Variants in CHD6 observed in about 807,000 individuals in gnomAD.
CHD6 encodes the protein ATP-dependent chromatin remodeler CHD6.
Under a neutral mutation model 276.9 loss-of-function variants are expected in CHD6, and 50 were observed. That is an observed-to-expected ratio of 0.18 (90% CI 0.14 to 0.23). The LOEUF is 0.23. Ranked by LOEUF, CHD6 falls within the 10% of genes least tolerant of loss-of-function variation. The pLI is 1.00. For missense variants in CHD6, 2,564 were observed against 3,365.8 expected (o/e 0.76, Z 5.89); for synonymous variants, 1,173 against 1,229.3 (o/e 0.95, Z 0.96).
At chr20:41,505,077 G>A (rs1289194984) in intron 5 of CHD6, among the ~76,000 whole-genome samples, 1 of 152,140 alleles carries the variant, frequency 6.6e-6, no homozygotes, top group Non-Finnish European at 1.5e-5. Context: ...AGTATCCAGG[G>A]TCACTGACTG....
At chr20:41,560,722 A>C (rs1170616982) in intron 1 of CHD6, among the ~76,000 whole-genome samples, 9 of 149,012 alleles carry the variant, frequency 6.0e-5, no homozygotes, top group East Asian at 1.9e-4. Context: ...GTAACTAGTG[A>C]CCTCTTTTTT....
In CHD6 at chr20:41,411,612, ATAAT is replaced by A. The variant is rs142188592; in HGVS notation, c.7251+528_7251+531del. On this transcript the variant is annotated intron_variant, in intron 36 of 36. Transcript: ENST00000373233. ...CCAAATTTGTACTAATCTGTAAACT[ATAAT>A]TAACTCGGATTCGTTATACTAGAAG... is the stretch of plus-strand genomic sequence containing the variant. Among the ~76,000 whole-genome samples the A allele has an allele frequency of 9.3e-4, 142 of 152,348 alleles. 1 individual carries two copies. The East Asian group carries it at 0.023, about 24-fold the overall frequency.
At chr20:41,467,162 G>A (rs1176889113) in intron 17 of CHD6, among the ~76,000 whole-genome samples, 2 of 151,988 alleles carry the variant, frequency 1.3e-5, no homozygotes, top group Non-Finnish European at 2.9e-5. Context: ...AAATTACATA[G>A]AAATAAACAT....
chr20:41,525,802 CTT>C (rs923421948), intron 3 of CHD6, among the ~76,000 whole-genome samples: 2 of 152,184 alleles, frequency 1.3e-5, no homozygotes, highest in African/African-American at 4.8e-5. Flanking sequence ...ATGACATACT[CTT>C]TACCTTCTAA....
At chr20:41,552,056 C>A (rs1013002947) in intron 1 of CHD6, among the ~76,000 whole-genome samples, 1 of 152,112 alleles carries the variant, frequency 6.6e-6, no homozygotes, top group Non-Finnish European at 1.5e-5. Context: ...TTTAGAGGTA[C>A]AAAAGTGTGT....
chr20:41,413,485 A>G lies in CHD6; in HGVS notation c.6970T>C (p.Leu2324=). ...EVHEDPGQAT[L]STTHPEGPGP... is the part of the protein sequence containing the mutation. ...GGCCCCTCAGGGTGTGTGGTGCTCA[A>G]GGTGGCCTGCCCTGGGTCTTCATGG... Residue 2324 remains leucine (L), a synonymous_variant, in exon 35 of 37, where the codon TTG becomes CTG. Coordinates refer to ENST00000373233, the MANE Select transcript of CHD6 (RefSeq NM_032221.5). 1 of 1,598,746 alleles carries G rather than the reference A, an allele frequency of 6.3e-7. No homozygotes were observed. Among genetic ancestry groups the G allele is most frequent in the Non-Finnish European group, 8.5e-7 (1 of 1,172,710 alleles).
At chr20:41,409,746 T>C (rs1017751069) in intron 36 of CHD6, among the ~76,000 whole-genome samples, 8 of 152,190 alleles carry the variant, frequency 5.3e-5, no homozygotes, top group Non-Finnish European at 8.8e-5. Context: ...TTAATATGCA[T>C]GTGTAATAAG....
intron 1 of CHD6, among the ~76,000 whole-genome samples, chr20:41,561,097 G>C (rs1162179146): frequency 1.3e-5 from 2 of 152,162 alleles, no homozygotes; most frequent in African/African-American, 4.8e-5. Context: ...GGTCTCAGTT[G>C]CAACTACTCA....
At position 41,498,882 on chromosome 20, in the gene CHD6, C is replaced by G. The variant is rs547784226; in HGVS notation, c.915+413G>C. On this transcript the variant is annotated intron_variant, in intron 6 of 36. Transcript: ENST00000373233. ...TAGAGAAAGGGTCTCACTATATTGC[C>G]CAGGTTGGTCTTGAACTACTGGGCT... 6.6e-5 allele frequency among the ~76,000 whole-genome samples: 10 copies of G among 150,470 alleles called. 1 individual carries two copies. The highest frequency in any genetic ancestry group is 2.4e-4 in the African/African-American group (10 of 40,988).
chr20:41,556,326 C>CTTTT lies in CHD6; in HGVS notation c.-23-4970_-23-4967dup, dbSNP rs537227082. On this transcript the variant is annotated intron_variant, in intron 1 of 36. Coordinates refer to ENST00000373233, the MANE Select transcript of CHD6 (RefSeq NM_032221.5). ...GGGAGACGGGAGAGGGAGAGGGCAC[C>CTTTT]TTTTTTTTTTTTTTTTTGAGACAGT... 2.8e-3 allele frequency among the ~76,000 whole-genome samples: 284 copies of CTTTT among 102,224 alleles called. 39 individuals are homozygous for CTTTT. Among genetic ancestry groups the CTTTT allele is most frequent in the African/African-American group, 6.6e-3 (162 of 24,598 alleles). 67.1% of individuals were successfully genotyped at this position (102,224 alleles called of 152,430 possible). A position where few individuals can be genotyped will look rare whatever the true frequency, so the allele number is the denominator to read the frequency against.
chr20:41,544,052 C>T (rs2044994795), intron 2 of CHD6, among the ~76,000 whole-genome samples: 1 of 152,020 alleles, frequency 6.6e-6, no homozygotes, highest in South Asian at 2.1e-4. Context: ...TCAGCCTGGG[C>T]AAAATAGTGA....
intron 14 of CHD6, 40 bp downstream of exon 14, chr20:41,487,625 C>T (rs778489826): frequency 1.2e-5 from 19 of 1,564,406 alleles, no homozygotes; most frequent in African/African-American, 2.8e-5. Flanking sequence ...ATGAAGATAA[C>T]GATCACACTG....
rs750055364 is a variant in CHD6, at chr20:41,439,987, C to A, written c.4007+13G>T. 1.2e-6 allele frequency: 2 copies of A among 1,613,232 alleles called. No homozygotes were observed. The highest frequency in any genetic ancestry group is 1.3e-5 in the African/African-American group (1 of 74,894). On this transcript the variant is annotated intron_variant, in intron 26 of 36. Transcript: ENST00000373233. Reference sequence around the variant, plus strand: ...GGCATGTCACATGAGGGCTGGCCTACGTGGCTTCTCACCTTTCAGGAATGT... The same window carrying A: ...GGCATGTCACATGAGGGCTGGCCTAAGTGGCTTCTCACCTTTCAGGAATGT...
intron 2 of CHD6, among the ~76,000 whole-genome samples, chr20:41,534,431 C>T (rs2044774091): frequency 6.6e-6 from 1 of 152,194 alleles, no homozygotes. Context: ...GCTCAGACTT[C>T]CTGGCCCACC....
chr20:41,414,893 G>A (rs2046947078), intron 34 of CHD6: 3 of 1,262,954 alleles, frequency 2.4e-6, no homozygotes, highest in South Asian at 2.1e-5. Context: ...TTGCTCTGCC[G>A]TGCCGTCAAC....
chr20:41,444,477 C>T (rs907993437), intron 25 of CHD6, among the ~76,000 whole-genome samples: 1 of 152,184 alleles, frequency 6.6e-6, no homozygotes, highest in Non-Finnish European at 1.5e-5. Context: ...TTTAGCCTAA[C>T]CCCGGCGGTT....
chr20:41,406,700 A>G (rs1253699989), intron 36 of CHD6, among the ~76,000 whole-genome samples: 1 of 152,244 alleles, frequency 6.6e-6, no homozygotes, highest in East Asian at 1.9e-4. Flanking sequence ...GATTTCTTTC[A>G]GGACTTAGTG....
At chr20:41,617,947 C>CGG (rs1355263620) in intron 1 of CHD6, among the ~76,000 whole-genome samples, 3 of 146,030 alleles carry the variant, frequency 2.1e-5, no homozygotes, top group South Asian at 4.2e-4. Flanking sequence ...GCGCCCGCCC[C>CGG]GGGGGGGGCC....
chr20:41,555,746 G>C (rs1230816900), intron 1 of CHD6, among the ~76,000 whole-genome samples: 1 of 151,902 alleles, frequency 6.6e-6, no homozygotes, highest in East Asian at 2.0e-4. Flanking sequence ...CGGCCGGGCA[G>C]AGACGCTCCT....
Sources: allele counts gnomAD v4.1 joint callset (sites outside exome capture counted in the v4.1 genomes callset), GRCh38; gene constraint gnomAD v4.1.1; transcripts MANE v1.5; gene names NCBI Gene and HGNC (gene_info 2026-07-23, HGNC 2026-07-21).